EIF2AK4: variants seen among roughly 807,000 people sequenced by gnomAD.
EIF2AK4 encodes eukaryotic translation initiation factor 2 alpha kinase 4, also known as eIF-2-alpha kinase GCN2.
EIF2AK4 carries 139 observed loss-of-function variants against 211.1 expected under a neutral mutation model. The observed-to-expected ratio is 0.66, with a 90% confidence interval of 0.57 to 0.76. The LOEUF is 0.76. Among genes scored for constraint, EIF2AK4 ranks in the 30% least tolerant of loss-of-function variants. The pLI is 0.00. For synonymous variants in EIF2AK4, 710 were observed against 751.3 expected (o/e 0.94, Z 0.90); for missense variants, 1,664 against 2,043.8 (o/e 0.81, Z 3.58).
intron 35 of EIF2AK4, among the ~76,000 whole-genome samples, chr15:40,031,406 TCTAG>T (rs1361638825): frequency 6.6e-6 from 1 of 152,196 alleles, no homozygotes; most frequent in East Asian, 1.9e-4. Context: ...TGTAAGCTCT[TCTAG>T]CTGTTTCTCA....
intron 21 of EIF2AK4, chr15:40,002,408 CAG>C: frequency 3.5e-6 from 1 of 289,796 alleles, no homozygotes; most frequent in Non-Finnish European, 6.5e-6. Context: ...CCCTGAGAGT[CAG>C]AGAGAATGTG....
At chr15:39,958,322 T>G (rs1172180520) in intron 6 of EIF2AK4, among the ~76,000 whole-genome samples, 1 of 152,248 alleles carries the variant, frequency 6.6e-6, no homozygotes, top group Non-Finnish European at 1.5e-5. Context: ...ATTACCGTAG[T>G]GTAGCCCAGA....
chr15:40,007,938 A>G, intron 24 of EIF2AK4, 89 bp from the exon 25 acceptor site: 2 of 1,065,672 alleles, frequency 1.9e-6, no homozygotes, highest in Non-Finnish European at 2.6e-6. Context: ...TTTTTTTCAT[A>G]TTTGTTTCTT....
At chr15:39,982,862 A>G (rs1408552825) in intron 13 of EIF2AK4, among the ~76,000 whole-genome samples, 2 of 152,230 alleles carry the variant, frequency 1.3e-5, no homozygotes, top group Non-Finnish European at 2.9e-5. Context: ...TGTCCCTGCA[A>G]AGGACATGAA....
In EIF2AK4 at chr15:39,934,299, G is replaced by A. The variant is rs1208550068; in HGVS notation, c.104G>A (p.Gly35Asp). 6.2e-7 allele frequency: 1 copy of A among 1,612,072 alleles called. No individual in the cohort carries two copies. The highest frequency in any genetic ancestry group is 8.5e-7 in the Non-Finnish European group (1 of 1,179,184). Reference sequence around the variant, plus strand: ...CTACAGGCCCTGGAGGCCATTTACGGCGCGGACTTCCAAGACCTGCGGCCG... The same window carrying A: ...CTACAGGCCCTGGAGGCCATTTACGACGCGGACTTCCAAGACCTGCGGCCG... Reference protein sequence around the residue: ...HELQALEAIYGADFQDLRPDA... With the variant: ...HELQALEAIYDADFQDLRPDA... Residue 35 changes from glycine (G) to aspartate (D), a missense_variant, in exon 1 of 39, where the codon GGC (glycine) becomes GAC (aspartate). Gly to Asp is a moderately conservative substitution (Grantham distance 94). Coordinates refer to ENST00000263791, the MANE Select transcript of EIF2AK4 (RefSeq NM_001013703.4).
chr15:40,003,189 G>A lies in EIF2AK4; in HGVS notation c.3236-4G>A, dbSNP rs774639261. ...GATGAGCTATTTTTTCTCATTTGGT[G>A]TAGGAGCTGTTCAGTTGTGTACTCC... On this transcript the variant is annotated splice_polypyrimidine_tract_variant and splice_region_variant and intron_variant, in intron 22 of 38. Transcript: ENST00000263791. The A allele has an allele frequency of 6.2e-7, 1 of 1,613,902 alleles. No homozygotes were observed. Among genetic ancestry groups the A allele is most frequent in the South Asian group, 1.1e-5 (1 of 91,054 alleles).
intron 33 of EIF2AK4, 65 bp from the exon 34 acceptor site, chr15:40,029,341 G>GT: frequency 6.3e-7 from 1 of 1,592,188 alleles, no homozygotes; most frequent in South Asian, 1.1e-5. Flanking sequence ...GTAGTTCACT[G>GT]TAAGTTATGT....
At chr15:40,014,804 TCTG>T (rs1445340881) in intron 27 of EIF2AK4, among the ~76,000 whole-genome samples, 7 of 152,224 alleles carry the variant, frequency 4.6e-5, no homozygotes, top group Non-Finnish European at 8.8e-5. Context: ...CTGCAAATTT[TCTG>T]AATTTTTATG....
At chr15:39,946,030 G>A (rs1367528462) in intron 3 of EIF2AK4, among the ~76,000 whole-genome samples, 1 of 152,226 alleles carries the variant, frequency 6.6e-6, no homozygotes, top group Non-Finnish European at 1.5e-5. Context: ...TGAAGGAGAT[G>A]TACAAGGAGA....
chr15:39,974,735 A>C (rs1053175434), intron 11 of EIF2AK4: 5 of 152,216 alleles, frequency 3.3e-5, no homozygotes, highest in Non-Finnish European at 4.4e-5. Flanking sequence ...TAATAATGAT[A>C]GGCAAGCTCA....
chr15:39,977,810 T>A, intron 12 of EIF2AK4: 1 of 248,600 alleles, frequency 4.0e-6, no homozygotes. Flanking sequence ...TTTTGTTTTA[T>A]TTTATCCAAG....
At chr15:39,959,725 G>A (rs1159443865) in intron 6 of EIF2AK4, among the ~76,000 whole-genome samples, 2 of 152,198 alleles carry the variant, frequency 1.3e-5, no homozygotes, top group Non-Finnish European at 1.5e-5. Flanking sequence ...CATAGTTTAT[G>A]TTACTAAGTC....
At chr15:40,002,865 G>T (rs576295938) in intron 22 of EIF2AK4, 77 bp downstream of exon 22, 1 of 1,476,212 alleles carries the variant, frequency 6.8e-7, no homozygotes, top group South Asian at 1.2e-5. Flanking sequence ...GTTAGTGTTC[G>T]GGCATATCAT....
At chr15:39,974,692 A>G (rs1333812097) in intron 11 of EIF2AK4, 2 of 152,224 alleles carry the variant, frequency 1.3e-5, no homozygotes, top group African/African-American at 2.4e-5. Context: ...TTGAACGTAG[A>G]ATAGTAACAA....
intron 25 of EIF2AK4, among the ~76,000 whole-genome samples, chr15:40,009,105 T>TTTTG (rs1408026248): frequency 6.9e-6 from 1 of 144,478 alleles, no homozygotes; most frequent in East Asian, 2.0e-4. Context: ...TTTTGTTTTG[T>TTTTG]TTTGGAGACA....
At chr15:39,978,799 T>C (rs1275451078) in intron 13 of EIF2AK4, among the ~76,000 whole-genome samples, 1 of 152,184 alleles carries the variant, frequency 6.6e-6, no homozygotes, top group Non-Finnish European at 1.5e-5. Context: ...AAATACATCA[T>C]CTGTTGACAA....
At chr15:40,009,821 A>G (rs1414301494) in intron 26 of EIF2AK4, 91 bp downstream of exon 26, 15 of 970,154 alleles carry the variant, frequency 1.5e-5, no homozygotes, top group Non-Finnish European at 2.0e-5. Flanking sequence ...TTACCCATGC[A>G]GCCATGAAAC....
At chr15:39,993,084 C>G (rs867701750) in intron 18 of EIF2AK4, among the ~76,000 whole-genome samples, 1 of 150,856 alleles carries the variant, frequency 6.6e-6, no homozygotes, top group East Asian at 1.9e-4. Flanking sequence ...ATTCATCCAT[C>G]CATCCATCCA....
intron 11 of EIF2AK4, 33 bp from the exon 12 acceptor site, chr15:39,976,381 C>G (rs763629210): frequency 2.2e-4 from 347 of 1,556,284 alleles, no homozygotes; most frequent in East Asian, 5.3e-4. Flanking sequence ...TGCAAGGCTC[C>G]GAGCGGCTGA....
Sources: gnomAD v4.1 joint callset for allele counts (sites outside exome capture counted in the v4.1 genomes callset) on GRCh38, gnomAD v4.1.1 for gene constraint, MANE v1.5 for transcripts, NCBI Gene and HGNC (gene_info 2026-07-23, HGNC 2026-07-21) for gene names.